KCNC3: variants seen among roughly 807,000 people sequenced by gnomAD.
KCNC3 encodes potassium voltage-gated channel subfamily C member 3.
Under a neutral mutation model 43.9 loss-of-function variants are expected in KCNC3, and 22 were observed. That is an observed-to-expected ratio of 0.50 (90% CI 0.36 to 0.72). KCNC3 has a LOEUF of 0.72. Ranked by LOEUF, KCNC3 falls within the 30% of genes least tolerant of loss-of-function variation. KCNC3 has a pLI of 0.00. For missense variants in KCNC3, 829 were observed against 1,073.8 expected, an observed-to-expected ratio of 0.77 and a Z score of 3.19; for synonymous variants, 492 against 488.0, an observed-to-expected ratio of 1.01 and a Z score of -0.11.
chr19:50,325,472 C>T (rs2037091047), intron 1 of KCNC3, among the ~76,000 whole-genome samples: 1 of 151,466 alleles, frequency 6.6e-6, no homozygotes, highest in African/African-American at 2.4e-5. Flanking sequence ...GGGCTCTGGG[C>T]TTGACTTCAC....
Position 50,320,359 on chromosome 19 carries a change from G to A in KCNC3, c.2171-10C>T. On this transcript the variant is annotated splice_polypyrimidine_tract_variant and intron_variant, in intron 3 of 4. Transcript: ENST00000477616. ...GGGGGAGCACCAGTGGCTGGGGGTG[G>A]GGGAAGAGGCCAGAGAGTTGGGGGG... The A allele has an allele frequency of 2.2e-6, 1 of 459,162 alleles. No individual in the cohort carries two copies. Among genetic ancestry groups the A allele is most frequent in the Non-Finnish European group, 4.0e-6 (1 of 252,828 alleles). The allele number at this position is 459,162 out of a possible 1,614,324, so 28.4% of individuals were successfully genotyped here.
chr19:50,325,870 G>A (rs2037098630), intron 1 of KCNC3, among the ~76,000 whole-genome samples: 1 of 152,234 alleles, frequency 6.6e-6, no homozygotes, highest in Admixed American at 6.5e-5. Flanking sequence ...CTTTCCGGCG[G>A]GAGGCCAAGG....
In KCNC3 at chr19:50,323,420, G is replaced by C. The variant is rs776952700; in HGVS notation, c.1533C>G (p.Pro511=). The change falls in exon 2 of 5, where the codon CCC becomes CCG. Residue 511 remains proline, a synonymous_variant. Coordinates refer to ENST00000477616, the MANE Select transcript of KCNC3 (RefSeq NM_004977.3). ...MTTLGYGDMY[P]KTWSGMLVGA... ...CGACCAGCATCCCCGACCACGTCTT[G>C]GGGTACATGTCTCCATAGCCCAGGG... 2.5e-6 allele frequency: 4 copies of C among 1,614,192 alleles called. No homozygotes were observed. The highest frequency in any genetic ancestry group is 3.4e-6 in the Non-Finnish European group (4 of 1,180,040).
At chr19:50,331,290 A>G (rs1371693403), upstream of KCNC3, among the ~76,000 whole-genome samples, 6 of 41,456 alleles carry the variant, frequency 1.4e-4, no homozygotes, top group African/African-American at 1.8e-3. Flanking sequence ...AGCTCCCCCG[A>G]GTCTCTTTCT....
At chr19:50,327,705 G>A (rs2037122912) in intron 1 of KCNC3, among the ~76,000 whole-genome samples, 1 of 152,004 alleles carries the variant, frequency 6.6e-6, no homozygotes, top group Admixed American at 6.6e-5. Context: ...GGGAAAGTGG[G>A]GGTCAGGGCT....
chr19:50,314,353 TGAAG>T lies in KCNC3; in HGVS notation c.*1758_*1761del, dbSNP rs1388275768. The T allele has an allele frequency of 1.3e-5, 2 of 158,760 alleles. No individual in the cohort carries two copies. Among genetic ancestry groups the T allele is most frequent in the Non-Finnish European group, 2.8e-5 (2 of 72,132 alleles). 9.8% of individuals were successfully genotyped at this position (158,760 alleles called of 1,614,324 possible). A position where few individuals can be genotyped will look rare whatever the true frequency, so the allele number is the denominator to read the frequency against. ...CACAGGGTTGGTTGTCCTCCTGGGG[TGAAG>T]GATGGGAAGGCTGGAGACCTTAAAG... On this transcript the variant is annotated 3_prime_UTR_variant, in exon 5 of 5. Transcript: ENST00000477616.
At chr19:50,317,227 G>C (rs2036968268) in intron 4 of KCNC3, among the ~76,000 whole-genome samples, 1 of 139,138 alleles carries the variant, frequency 7.2e-6, no homozygotes, top group Non-Finnish European at 1.6e-5. Context: ...AAAAAGGAGA[G>C]GTGGGGGGGA....
rs2036893592 is a variant in KCNC3, at chr19:50,312,500, G to C, written c.*3615C>G. On this transcript the variant is annotated 3_prime_UTR_variant, in exon 5 of 5. Coordinates refer to ENST00000477616, the MANE Select transcript of KCNC3 (RefSeq NM_004977.3). ...GTGCAGGCACCCTGGCGGCCGGGGG[G>C]AAAAGGGGGAGCCGGACTTGGAAAG... 6.6e-6 allele frequency: 1 copy of C among 152,230 alleles called. No individual in the cohort carries two copies. The highest frequency in any genetic ancestry group is 2.1e-4 in the South Asian group (1 of 4,836). The allele number at this position is 152,230 out of a possible 1,614,324, so 9.4% of individuals were successfully genotyped here. A position where few individuals can be genotyped will look rare whatever the true frequency, so the allele number is the denominator to read the frequency against.
In KCNC3 at chr19:50,328,786, A is replaced by C; in HGVS notation, c.297T>G (p.His99Gln). 2 of 1,568,478 alleles carry C rather than the reference A, an allele frequency of 1.3e-6. No individual in the cohort carries two copies. The highest frequency in any genetic ancestry group is 1.7e-6 in the Non-Finnish European group (2 of 1,159,858). ...TGCGCAGCGTCGAGCGGTACGTCTC[A>C]TGGCGCACGCCGCCCACGTTGATCA... ...KIVINVGGVR[H>Q]ETYRSTLRTL... The change falls in exon 1 of 5, where the codon CAT (histidine) becomes CAG (glutamine). Residue 99 changes from histidine (H) to glutamine (Q), a missense_variant. By Grantham distance (24) the His-to-Gln change is conservative. Around this residue, in one of 7 missense-constraint regions of KCNC3, gnomAD observed 121 missense variants for 247.4 expected, o/e 0.49. Transcript: ENST00000477616.
intron 2 of KCNC3, among the ~76,000 whole-genome samples, chr19:50,322,337 C>T (rs1395807047): frequency 6.6e-6 from 1 of 152,154 alleles, no homozygotes; most frequent in African/African-American, 2.4e-5. Flanking sequence ...CCAGGCTGCC[C>T]ACAGCAAAGC....
In KCNC3 at chr19:50,315,968, T is replaced by G; in HGVS notation, c.*147A>C. On this transcript the variant is annotated 3_prime_UTR_variant, in exon 5 of 5. Coordinates refer to ENST00000477616, the MANE Select transcript of KCNC3 (RefSeq NM_004977.3). ...GTGTCTTGATCGTAGGAGGGAGGGC[T>G]TGGGGGGAGATTTGAAGCCCAGTGT... is the stretch of plus-strand genomic sequence containing the variant. 6.5e-6 allele frequency: 2 copies of G among 309,656 alleles called. No homozygotes were observed. The highest frequency in any genetic ancestry group is 6.2e-6 in the Non-Finnish European group (1 of 160,226). 19.2% of individuals were successfully genotyped at this position (309,656 alleles called of 1,614,324 possible).
upstream of KCNC3, among the ~76,000 whole-genome samples, chr19:50,331,224 TCTCTC>T (rs891262093): frequency 2.9e-5 from 4 of 136,666 alleles, no homozygotes; most frequent in Admixed American, 6.9e-5. Context: ...TTGCTCCTCT[TCTCTC>T]TAGGCCTCAG....
chr19:50,327,487 G>A lies in KCNC3; in HGVS notation c.870+726C>T, dbSNP rs557169935. ...AGGCAAGAACAAGTGGAGGTTTAGA[G>A]GGGTCCAGAAGGCTGTGAGGTTGGG... On this transcript the variant is annotated intron_variant, in intron 1 of 4. Transcript: ENST00000477616. Among the ~76,000 whole-genome samples the A allele has an allele frequency of 1.0e-3, 155 of 152,258 alleles. 1 individual carries two copies. The highest frequency in any genetic ancestry group is 1.5e-3 in the Non-Finnish European group (104 of 68,028).
In KCNC3 at chr19:50,329,147, G is replaced by C; in HGVS notation, c.-65C>G. 2.1e-6 allele frequency: 1 copy of C among 478,672 alleles called. No homozygotes were observed. The highest frequency in any genetic ancestry group is 3.1e-6 in the Non-Finnish European group (1 of 325,026). The allele number at this position is 478,672 out of a possible 1,614,324, so 29.7% of individuals were successfully genotyped here. A position where few individuals can be genotyped will look rare whatever the true frequency, so the allele number is the denominator to read the frequency against. On this transcript the variant is annotated 5_prime_UTR_variant, in exon 1 of 5. Transcript: ENST00000477616. ...CGGGGACACGGGGGGAGAGACCGAC[G>C]GGATTGGGTGGGAGGAGGAGCGAGG...
In KCNC3 at chr19:50,329,003, G is replaced by GGCTGCGGCGGTGGCGCCGGCT; in HGVS notation, c.59_79dup (p.Gln20_Gln26dup). On this transcript the variant is annotated inframe_insertion, in exon 1 of 5. Coordinates refer to ENST00000477616, the MANE Select transcript of KCNC3 (RefSeq NM_004977.3). Reference sequence around the variant, plus strand: ...CGGTGGCGGCGGCGGGGACTCGGGCGGCTGCGGCGGTGGCGCCGGCTGCTG... The same window carrying GGCTGCGGCGGTGGCGCCGGCT: ...CGGTGGCGGCGGCGGGGACTCGGGCGGCTGCGGCGGTGGCGCCGGCTGCTGCGGCGGTGGCGCCGGCTGCTG... 1.6e-6 allele frequency: 2 copies of GGCTGCGGCGGTGGCGCCGGCT among 1,256,570 alleles called. No individual in the cohort carries two copies. Among genetic ancestry groups the GGCTGCGGCGGTGGCGCCGGCT allele is most frequent in the Non-Finnish European group, 2.0e-6 (2 of 984,236 alleles). 77.8% of individuals were successfully genotyped at this position (1,256,570 alleles called of 1,614,324 possible).
intron 4 of KCNC3, 94 bp from the exon 5 acceptor site, chr19:50,316,185 C>CG: frequency 2.6e-6 from 1 of 382,790 alleles, no homozygotes; most frequent in Non-Finnish European, 4.9e-6. Flanking sequence ...GATGGAGAAA[C>CG]GCCGCCGGGA....
At chr19:50,320,868 A>G (rs2037024525) in intron 2 of KCNC3, 84 bp from the exon 3 acceptor site, 6 of 1,335,342 alleles carry the variant, frequency 4.5e-6, no homozygotes, top group Non-Finnish European at 6.3e-6. Context: ...GTCTGCGAGG[A>G]GCAGATGCTG....
Position 50,322,981 on chromosome 19 carries a change from G to A in KCNC3, c.1972C>T (p.Arg658Trp), listed in dbSNP as rs755973472. 1.1e-5 allele frequency: 17 copies of A among 1,550,326 alleles called. No homozygotes were observed. In the South Asian group the frequency reaches 1.2e-4, roughly 11 times the overall value. Residue 658 changes from arginine (R) to tryptophan (W), a missense_variant, in exon 2 of 5, where the codon CGG becomes TGG. Physicochemically the swap from Arg to Trp is moderately radical, Grantham distance 101. Around this residue, in one of 7 missense-constraint regions of KCNC3, gnomAD observed 308 missense variants for 276.2 expected, o/e 1.11. Coordinates refer to ENST00000477616, the MANE Select transcript of KCNC3 (RefSeq NM_004977.3). ...LAQEEVIEIN[R>W]ADPRPNGDPA... ...CCCTGACGCCCAGGCTCACCTGCCC[G>A]GTTGATCTCAATCACCTCCTCCTGA...
At chr19:50,327,233 G>A (rs968798698) in intron 1 of KCNC3, among the ~76,000 whole-genome samples, 2 of 152,128 alleles carry the variant, frequency 1.3e-5, no homozygotes, top group Non-Finnish European at 2.9e-5. Flanking sequence ...GAGGGTTCTG[G>A]AGAGGAAAGG....
Sources: allele counts gnomAD v4.1 joint callset (sites outside exome capture counted in the v4.1 genomes callset), GRCh38; gene constraint gnomAD v4.1.1; regional missense constraint gnomAD v4.1.1; transcripts MANE v1.5; gene names NCBI Gene and HGNC (gene_info 2026-07-23, HGNC 2026-07-21).